The following HDAC4 variants were observed in gnomAD, a reference collection of about 807,000 sequenced individuals.
HDAC4 encodes the protein histone deacetylase A.
Under a neutral mutation model 135.1 loss-of-function variants are expected in HDAC4, and 16 were observed. The ratio of observed to expected loss-of-function variants is 0.12; its 90% CI spans 0.08 to 0.18. HDAC4 has a LOEUF of 0.18. HDAC4 is among the 10% of genes least tolerant of loss of function. HDAC4 has a pLI of 1.00. For missense variants in HDAC4, 1,143 were observed against 1,511.8 expected (o/e 0.76, Z 4.05); for synonymous variants, 685 against 653.4 (o/e 1.05, Z -0.74).
chr2:239,274,579 C>A (rs1048898411), intron 2 of HDAC4, among the ~76,000 whole-genome samples: 1 of 152,212 alleles, frequency 6.6e-6, no homozygotes, highest in Admixed American at 6.5e-5. Flanking sequence ...GTAACCTTCA[C>A]GGTAAAAACG....
chr2:239,094,818 G>A (rs2036852530), intron 17 of HDAC4, 192 bp downstream of exon 17: 8 of 1,464,148 alleles, frequency 5.5e-6, no homozygotes, highest in Admixed American at 2.2e-5. Flanking sequence ...CTTCCCCAGA[G>A]AAAGGTGCCC....
chr2:239,391,570 A>AGAGAC (rs2126106327), intron 1 of HDAC4, among the ~76,000 whole-genome samples: 1 of 152,326 alleles, frequency 6.6e-6, no homozygotes, highest in African/African-American at 2.4e-5. Context: ...TCTCTGCGGG[A>AGAGAC]GAGACACTCA....
chr2:239,096,724 C>G (rs1268208476), intron 16 of HDAC4, among the ~76,000 whole-genome samples: 23 of 132,340 alleles, frequency 1.7e-4, no homozygotes, highest in African/African-American at 6.0e-4. Context: ...GACACCAGCA[C>G]CCCCCACGGA....
intron 2 of HDAC4, among the ~76,000 whole-genome samples, chr2:239,239,669 T>A (rs540038701): frequency 2.0e-5 from 3 of 152,374 alleles, no homozygotes; most frequent in South Asian, 2.1e-4. Context: ...CTGCTTGTTC[T>A]CGTTGTGTGC....
chr2:239,379,317 G>A (rs1435135126), intron 1 of HDAC4, among the ~76,000 whole-genome samples: 1 of 152,180 alleles, frequency 6.6e-6, no homozygotes, highest in Non-Finnish European at 1.5e-5. Flanking sequence ...GCCCCGGGGA[G>A]ACGCACCAGG....
chr2:239,273,192 A>G (rs991880938), intron 2 of HDAC4, among the ~76,000 whole-genome samples: 1 of 152,190 alleles, frequency 6.6e-6, no homozygotes, highest in East Asian at 1.9e-4. Context: ...GGAAGCAATC[A>G]AAGACTGCAA....
At chr2:239,246,470 A>G (rs1231490295) in intron 2 of HDAC4, among the ~76,000 whole-genome samples, 1 of 152,196 alleles carries the variant, frequency 6.6e-6, no homozygotes, top group Non-Finnish European at 1.5e-5. Context: ...TCCTGTTGCC[A>G]CAGGTCCTGG....
Position 239,308,856 on chromosome 2 carries a change from G to A in HDAC4, c.22+43822C>T, listed in dbSNP as rs1262507554. On this transcript the variant is annotated intron_variant, in intron 2 of 26. Transcript: ENST00000543185. The surrounding 1 kb of genome is among the most constrained non-coding windows in gnomAD (Gnocchi z 4.2). Reference sequence around the variant, plus strand: ...ACCCAAGGGCAAGGCTGTCACAGGCGAAAGACGGGTTCCCCTTCCTCTACA... The same window carrying A: ...ACCCAAGGGCAAGGCTGTCACAGGCAAAAGACGGGTTCCCCTTCCTCTACA... 1.3e-5 allele frequency among the ~76,000 whole-genome samples: 2 copies of A among 152,076 alleles called. No homozygotes were observed. Among genetic ancestry groups the A allele is most frequent in the Non-Finnish European group, 2.9e-5 (2 of 68,002 alleles).
intron 4 of HDAC4, among the ~76,000 whole-genome samples, chr2:239,181,477 T>C (rs1000730052): frequency 5.3e-5 from 8 of 152,240 alleles, no homozygotes; most frequent in African/African-American, 1.9e-4. Context: ...CCGTCAGGGC[T>C]AGCTGCACAC....
rs1216179047 is a variant in HDAC4, at chr2:239,146,948, C to T, written c.734-2234G>A. Among the ~76,000 whole-genome samples the T allele has an allele frequency of 6.6e-6, 1 of 152,194 alleles. No individual in the cohort carries two copies. The highest frequency in any genetic ancestry group is 1.9e-4 in the East Asian group (1 of 5,184). ...GACTGCACGTCCCTGGTCGACTCTG[C>T]CTGCAGGGTGGCTGCAGCTGACCAG... On this transcript the variant is annotated intron_variant, in intron 7 of 26. Coordinates refer to ENST00000543185, the MANE Select transcript of HDAC4 (RefSeq NM_001378414.1). The surrounding 1 kb of genome is among the most constrained non-coding windows in gnomAD (Gnocchi z 4.5).
chr2:239,210,588 C>T (rs150128099), intron 3 of HDAC4, among the ~76,000 whole-genome samples: 131 of 152,294 alleles, frequency 8.6e-4, no homozygotes, highest in African/African-American at 3.1e-3. Flanking sequence ...TGGAGGAGAC[C>T]GGCCCTGCTT....
intron 1 of HDAC4, among the ~76,000 whole-genome samples, chr2:239,368,935 T>G (rs1379379813): frequency 6.6e-6 from 1 of 152,166 alleles, no homozygotes; most frequent in African/African-American, 2.4e-5. Context: ...TCCTGGTACC[T>G]GCTGCTGTGA....
At chr2:239,223,990 C>T (rs1439032852) in intron 3 of HDAC4, among the ~76,000 whole-genome samples, 4 of 152,112 alleles carry the variant, frequency 2.6e-5, no homozygotes, top group East Asian at 1.9e-4. Context: ...CCACGTTCAG[C>T]GCAGGCTCGC....
chr2:239,282,207 T>TAC (rs2050812892), intron 2 of HDAC4, among the ~76,000 whole-genome samples: 2 of 107,792 alleles, frequency 1.9e-5, no homozygotes, highest in Non-Finnish European at 1.8e-5. Context: ...CTCTACAATG[T>TAC]ACACACCTCT....
chr2:239,190,184 G>GGGGGGGGGC, intron 3 of HDAC4, 107 bp from the exon 4 acceptor site: 5 of 1,245,008 alleles, frequency 4.0e-6, no homozygotes, highest in Middle Eastern at 2.9e-4. Flanking sequence ...CGGGGGGGGG[G>GGGGGGGGGC]TTGTGACCAT....
intron 2 of HDAC4, chr2:239,298,162 TC>T: frequency 1.6e-6 from 2 of 1,263,090 alleles, no homozygotes; most frequent in Non-Finnish European, 2.1e-6. Flanking sequence ...ATAATTCTCC[TC>T]ACCAAACATT....
chr2:239,096,415 AC>A (rs2037056033), intron 16 of HDAC4, among the ~76,000 whole-genome samples: 1 of 91,144 alleles, frequency 1.1e-5, no homozygotes, highest in South Asian at 4.2e-4. Context: ...CTGCACCATC[AC>A]CCCACCACGG....
chr2:239,366,731 G>T (rs114340857), intron 1 of HDAC4, among the ~76,000 whole-genome samples: 3,197 of 152,166 alleles, frequency 0.021, 132 homozygotes, highest in African/African-American at 0.073. Flanking sequence ...AACATCAACT[G>T]CCATGAACAC....
At chr2:239,184,417 G>GT (rs2044368061) in intron 4 of HDAC4, among the ~76,000 whole-genome samples, 1 of 146,832 alleles carries the variant, frequency 6.8e-6, no homozygotes, top group Non-Finnish European at 1.5e-5. Context: ...GTGCCCTATG[G>GT]GGGGGTCCCT....
Sources: allele counts gnomAD v4.1 joint callset (sites outside exome capture counted in the v4.1 genomes callset), GRCh38; gene constraint gnomAD v4.1.1; non-coding constraint Gnocchi (gnomAD v3.1); transcripts MANE v1.5; gene names NCBI Gene and HGNC (gene_info 2026-07-23, HGNC 2026-07-21).